The following PIH1D1 variants were observed in gnomAD, a reference collection of about 807,000 sequenced individuals.
PIH1D1 encodes PIH1 domain-containing protein 1.
A neutral mutation model predicts 38.5 loss-of-function variants in PIH1D1; 28 were observed. That is an observed-to-expected ratio of 0.73 (90% CI 0.54 to 1.00). The LOEUF (loss-of-function observed/expected upper bound fraction) is 1.00. Ranked by LOEUF, PIH1D1 falls within the 50% of genes least tolerant of loss-of-function variation. The probability of loss-of-function intolerance (pLI) is 0.00; values close to 1 mark genes in which losing one functional copy is unlikely to be tolerated. For missense variants in PIH1D1, 343 were observed against 369.9 expected (o/e 0.93, Z 0.60); for synonymous variants, 155 against 153.5 (o/e 1.01, Z -0.07).
rs2079058583 is a variant in PIH1D1, at chr19:49,451,332, C to CG, written c.90+152_90+153insC. 3 of 1,108,814 alleles carry CG rather than the reference C, an allele frequency of 2.7e-6. No homozygotes were observed. In the African/African-American group the frequency reaches 4.7e-5, roughly 17 times the overall value. The allele number at this position is 1,108,814 out of a possible 1,614,324, so 68.7% of individuals were successfully genotyped here. On this transcript the variant is annotated intron_variant, in intron 1 of 8. Transcript: ENST00000262265. ...GTGTGAGCCACCGCGCCCGGCCCCC[C>CG]ACTCCCATTTCTTAGCAAACTTGAA... is the stretch of plus-strand genomic sequence containing the variant.
intron 5 of PIH1D1, 117 bp from the exon 6 acceptor site, chr19:49,447,584 C>G: frequency 7.7e-7 from 1 of 1,306,132 alleles, no homozygotes; most frequent in Non-Finnish European, 1.1e-6. Flanking sequence ...CTGACCACAC[C>G]CCGCAGGCTT....
intron 5 of PIH1D1, 48 bp from the exon 6 acceptor site, chr19:49,447,515 T>G (rs947495476): frequency 2.3e-5 from 37 of 1,596,608 alleles, no homozygotes; most frequent in Admixed American, 1.3e-4. Context: ...AGGGTTCCCT[T>G]TGTGGGGGCC....
chr19:49,451,434 C>T (rs771707967), intron 1 of PIH1D1, 51 bp downstream of exon 1: 25 of 1,609,698 alleles, frequency 1.6e-5, no homozygotes, highest in Non-Finnish European at 2.1e-5. Flanking sequence ...TCTTTGAGCA[C>T]CCCGCCAAAA....
chr19:49,451,019 CCATTTCTTT>C, intron 1 of PIH1D1, 171 bp from the exon 2 acceptor site: 7 of 1,187,070 alleles, frequency 5.9e-6, no homozygotes, highest in African/African-American at 1.6e-5. Flanking sequence ...AACCCCATTC[CCATTTCTTT>C]TTTTTTTTTT....
chr19:49,446,642 C>T lies in PIH1D1; in HGVS notation c.740G>A (p.Gly247Glu). ...LEIGENRLVM[G>E]GPQQLYHLDA... The stretch of plus-strand genomic sequence containing the variant: ...TAGATGATACAGCTGCTGGGGGCCC[C>T]CCATCACCAGGCGGTTCTCCCCGAT... The change falls in exon 8 of 9, where the codon GGG becomes GAG. Residue 247 changes from glycine to glutamate, a missense_variant. By Grantham distance (98) the Gly-to-Glu change is moderately conservative. Transcript: ENST00000262265. The T allele has an allele frequency of 6.2e-7, 1 of 1,604,440 alleles. No homozygotes were observed. The highest frequency in any genetic ancestry group is 8.5e-7 in the Non-Finnish European group (1 of 1,174,994).
At position 49,446,533 on chromosome 19, in the gene PIH1D1, A is replaced by T. The variant is rs779366157; in HGVS notation, c.831+18T>A. On this transcript the variant is annotated intron_variant, in intron 8 of 8. Transcript: ENST00000262265. ...CCCCGCCAATGTCCCAGCTTCCCCAAGCCCCTCCCCCAGGCACCTTTCTCT... is the reference window on the plus strand; with the variant it reads ...CCCCGCCAATGTCCCAGCTTCCCCATGCCCCTCCCCCAGGCACCTTTCTCT... The T allele has an allele frequency of 1.8e-5, 29 of 1,613,472 alleles. No individual in the cohort carries two copies. Among genetic ancestry groups the T allele is most frequent in the Non-Finnish European group, 2.3e-5 (27 of 1,179,676 alleles).
Position 49,447,029 on chromosome 19 carries a change from T to C in PIH1D1, c.682A>G (p.Lys228Glu), listed in dbSNP as rs1373101732. 1 of 1,612,978 alleles carries C rather than the reference T, an allele frequency of 6.2e-7. No individual in the cohort carries two copies. Among genetic ancestry groups the C allele is most frequent in the Non-Finnish European group, 8.5e-7 (1 of 1,179,216 alleles). The change falls in exon 7 of 9, where the codon AAA becomes GAA. Residue 228 changes from lysine (K) to glutamate (E), a missense_variant. Transcript: ENST00000262265. ...GTCCAGCGCGCAAAACTCACCAGTT[T>C]GGGGAGGTCAACTTCGGCCAAGAGG... ...DLLLAEVDLP[K>E]LDGALGLSLE...
intron 6 of PIH1D1, 22 bp from the exon 7 acceptor site, chr19:49,447,121 G>A (rs2079028396): frequency 6.3e-7 from 1 of 1,595,148 alleles, no homozygotes; most frequent in African/African-American, 1.4e-5. Context: ...CAAGGTCCAG[G>A]GCTGAGCACA....
In PIH1D1 at chr19:49,446,653, G is replaced by A. The variant is rs760923309; in HGVS notation, c.729C>T (p.Arg243=). Residue 243 remains arginine (R), a synonymous_variant, in exon 8 of 9, where the codon CGC becomes CGT. Transcript: ENST00000262265. ...LGLSLEIGEN[R]LVMGGPQQLY... is the part of the protein sequence containing the mutation. ...GCTGCTGGGGGCCCCCCATCACCAG[G>A]CGGTTCTCCCCGATCTCCAGCGACA... is the stretch of plus-strand genomic sequence containing the variant. The A allele has an allele frequency of 4.4e-6, 7 of 1,598,210 alleles. No homozygotes were observed. Among genetic ancestry groups the A allele is most frequent in the Non-Finnish European group, 5.1e-6 (6 of 1,171,802 alleles).
intron 1 of PIH1D1, 190 bp downstream of exon 1, chr19:49,451,295 G>A (rs112179862): frequency 2.5e-5 from 17 of 688,024 alleles, no homozygotes; most frequent in Non-Finnish European, 3.8e-5. Context: ...TCCCAAAGTG[G>A]TGGGATTACA....
intron 3 of PIH1D1, chr19:49,448,922 G>A (rs1275307449): frequency 4.3e-6 from 1 of 232,964 alleles, no homozygotes; most frequent in Non-Finnish European, 8.6e-6. Flanking sequence ...GCTGGGTGCA[G>A]TGGCTCACAC....
intron 5 of PIH1D1, 91 bp from the exon 6 acceptor site, chr19:49,447,558 C>A: frequency 6.7e-7 from 1 of 1,497,256 alleles, no homozygotes. Context: ...CACCGGCTCA[C>A]CAGGACTCTT....
In PIH1D1 at chr19:49,451,724, T is replaced by G. The variant is rs1171678546; in HGVS notation, c.-150A>C. On this transcript the variant is annotated 5_prime_UTR_variant, in exon 1 of 9. Transcript: ENST00000262265. ...ACCTAAGACTGGCCTAAGACTACAT[T>G]TCCATTCAAGACCGAACACCATCGT... The G allele has an allele frequency of 2.1e-6, 3 of 1,437,246 alleles. No individual in the cohort carries two copies. Among genetic ancestry groups the G allele is most frequent in the African/African-American group, 1.4e-5 (1 of 69,822 alleles). 89.0% of individuals were successfully genotyped at this position (1,437,246 alleles called of 1,614,324 possible).
chr19:49,446,800 C>A, intron 7 of PIH1D1, 106 bp from the exon 8 acceptor site: 1 of 1,284,130 alleles, frequency 7.8e-7, no homozygotes, highest in Non-Finnish European at 1.1e-6. Context: ...AGGGTCTAAT[C>A]TCCCAGGAAG....
rs546982229 is a variant in PIH1D1 at position 49,446,839 on chromosome 19, ACGAC to A, written c.688-149_688-146del. On this transcript the variant is annotated intron_variant, in intron 7 of 8. Transcript: ENST00000262265. ...CAGAAGACAGCAATTACAAGTCTCA[ACGAC>A]CGAGCACTTACAATCCCTTGGGCGC... 1,744 of 1,117,752 alleles carry A rather than the reference ACGAC, an allele frequency of 1.6e-3. 8 individuals are homozygous for A. The highest frequency in any genetic ancestry group is 0.011 in the Admixed American group (479 of 43,176). The allele number at this position is 1,117,752 out of a possible 1,614,324, so 69.2% of individuals were successfully genotyped here. A position where few individuals can be genotyped will look rare whatever the true frequency, so the allele number is the denominator to read the frequency against.
chr19:49,449,536 C>T lies in PIH1D1; in HGVS notation c.276G>A (p.Glu92=). 1 of 1,614,196 alleles carries T rather than the reference C, an allele frequency of 6.2e-7. No homozygotes were observed. The change falls in exon 3 of 9, where the codon GAG becomes GAA. Residue 92 remains glutamate, a synonymous_variant. Transcript: ENST00000262265. The part of the protein sequence containing the change: ...TEEELLQMLE[E]DQAGFRIPMS... ...TGGGGATGCGAAACCCAGCTTGGTC[C>T]TCCTCTAGCATCTGAAGCAGCTCCT...
chr19:49,448,040 G>T lies in PIH1D1; in HGVS notation c.360C>A (p.Tyr120Ter). ...LDAKGQGCTA[Y>*]DVAVNSDFYR... is the part of the protein sequence containing the mutation. ...AGAAGTCGCTGTTGACAGCTACGTC[G>T]TAGGCGGTACATCCCTGGCCTTCTG... is the stretch of plus-strand genomic sequence containing the variant. Residue 120 changes from tyrosine to a stop codon, truncating the protein, a stop_gained, in exon 4 of 9, where the codon TAC (tyrosine) becomes TAA (stop). Transcript: ENST00000262265. LOFTEE classifies it high-confidence loss of function. 6.2e-7 allele frequency: 1 copy of T among 1,614,208 alleles called. No homozygotes were observed. The highest frequency in any genetic ancestry group is 8.5e-7 in the Non-Finnish European group (1 of 1,180,022).
intron 3 of PIH1D1, chr19:49,448,686 C>T (rs1257539203): frequency 6.0e-6 from 1 of 166,138 alleles, no homozygotes; most frequent in Non-Finnish European, 1.3e-5. Context: ...ATACTGCATC[C>T]ATCTCCTTGA....
intron 2 of PIH1D1, 115 bp from the exon 3 acceptor site, chr19:49,449,769 TC>T: frequency 2.6e-6 from 2 of 760,360 alleles, no homozygotes; most frequent in Non-Finnish European, 4.2e-6. Flanking sequence ...TTTGTTCCAC[TC>T]CCCACCCGAG....
Sources: allele counts gnomAD v4.1 joint callset, GRCh38; gene constraint gnomAD v4.1.1; transcripts MANE v1.5; gene names NCBI Gene and HGNC (gene_info 2026-07-23, HGNC 2026-07-21).